The following SKAP2 variants were observed in gnomAD, a reference collection of about 807,000 sequenced individuals.
SKAP2 encodes the protein src kinase-associated phosphoprotein 2.
SKAP2 carries 28 observed loss-of-function variants against 54.9 expected under a neutral mutation model. The ratio of observed to expected loss-of-function variants is 0.51; its 90% CI spans 0.38 to 0.70. The LOEUF (loss-of-function observed/expected upper bound fraction) is 0.70. Ranked by LOEUF, SKAP2 falls within the 30% of genes least tolerant of loss-of-function variation. SKAP2 has a pLI of 0.00. For synonymous variants in SKAP2, 137 were observed against 134.3 expected, an observed-to-expected ratio of 1.02 and a Z score of -0.14; for missense variants, 356 against 424.1, an observed-to-expected ratio of 0.84 and a Z score of 1.41.
chr7:26,658,193 C>T, the SKAP2 span, among the ~76,000 whole-genome samples: 2 of 152,164 alleles, frequency 1.3e-5, no homozygotes, highest in East Asian at 1.9e-4. Flanking sequence ...TACCCTGCAG[C>T]GGGGTTTGCT....
chr7:26,664,050 A>G (rs1786064564), downstream of SKAP2, among the ~76,000 whole-genome samples: 1 of 152,178 alleles, frequency 6.6e-6, no homozygotes, highest in Non-Finnish European at 1.5e-5. Context: ...ATCAGTGGTC[A>G]ACAAGCATTT....
intron 4 of SKAP2, among the ~76,000 whole-genome samples, chr7:26,765,290 G>A (rs1036046977): frequency 9.9e-5 from 15 of 152,068 alleles, no homozygotes; most frequent in Non-Finnish European, 1.8e-4. Flanking sequence ...TTTGAGAAGT[G>A]TCTGTTCATA....
chr7:26,757,064 G>C (rs751075818), intron 4 of SKAP2, among the ~76,000 whole-genome samples: 12 of 152,140 alleles, frequency 7.9e-5, no homozygotes, highest in Non-Finnish European at 1.5e-4. Flanking sequence ...TGTAAATTCT[G>C]GATATTAGCC....
At chr7:26,786,026 C>T (rs1783537064) in intron 4 of SKAP2, among the ~76,000 whole-genome samples, 1 of 152,068 alleles carries the variant, frequency 6.6e-6, no homozygotes, top group African/African-American at 2.4e-5. Context: ...TGGGCACCTC[C>T]CCTTCACCCC....
chr7:26,742,426 T>TG (rs929624917), intron 4 of SKAP2: 2 of 151,768 alleles, frequency 1.3e-5, no homozygotes, highest in Non-Finnish European at 2.9e-5. Flanking sequence ...GGAGAGGAAG[T>TG]GGGGGAAAAG....
intron 4 of SKAP2, among the ~76,000 whole-genome samples, chr7:26,772,139 G>A (rs1783202056): frequency 6.6e-6 from 1 of 152,134 alleles, no homozygotes; most frequent in African/African-American, 2.4e-5. Flanking sequence ...CCCTCAGAAG[G>A]AAATAAAACT....
intron 11 of SKAP2, among the ~76,000 whole-genome samples, chr7:26,671,656 T>G (rs1385407401): frequency 1.3e-5 from 2 of 152,022 alleles, no homozygotes; most frequent in Admixed American, 1.3e-4. Flanking sequence ...AGGGCACAGC[T>G]CTGGCTTGTG....
At chr7:26,748,634 T>C (rs2127965448) in intron 4 of SKAP2, among the ~76,000 whole-genome samples, 1 of 152,214 alleles carries the variant, frequency 6.6e-6, no homozygotes, top group East Asian at 1.9e-4. Flanking sequence ...AATAGCCTTT[T>C]TAAAAAGTCT....
chr7:26,830,149 T>C (rs189194057), intron 4 of SKAP2, among the ~76,000 whole-genome samples: 2 of 152,304 alleles, frequency 1.3e-5, no homozygotes, highest in Non-Finnish European at 2.9e-5. Context: ...AGTTCTGATA[T>C]ATGATTCCAT....
At chr7:26,817,433 G>A (rs1424520674) in intron 4 of SKAP2, among the ~76,000 whole-genome samples, 1 of 151,864 alleles carries the variant, frequency 6.6e-6, no homozygotes, top group East Asian at 1.9e-4. Flanking sequence ...AAAAATTGGG[G>A]AACAATTGTC....
At chr7:26,657,162 CATT>C in the SKAP2 span, among the ~76,000 whole-genome samples, 3 of 152,188 alleles carry the variant, frequency 2.0e-5, no homozygotes, top group African/African-American at 7.2e-5. Context: ...TTTTCAAAGA[CATT>C]ATCTTTCTGC....
chr7:26,794,870 C>T (rs1170992036), intron 4 of SKAP2, among the ~76,000 whole-genome samples: 1 of 152,290 alleles, frequency 6.6e-6, no homozygotes, highest in South Asian at 2.1e-4. Context: ...AGGTGGATAT[C>T]TTGTCCAGCC....
intron 4 of SKAP2, among the ~76,000 whole-genome samples, chr7:26,823,735 G>A (rs1784431383): frequency 6.6e-6 from 1 of 152,198 alleles, no homozygotes; most frequent in African/African-American, 2.4e-5. Context: ...TTTGAGGGGT[G>A]CAGGACATCA....
At position 26,864,583 on chromosome 7, in the gene SKAP2, A is replaced by G. The variant is rs1785336664; in HGVS notation, c.-154T>C. 4.3e-6 allele frequency: 6 copies of G among 1,408,750 alleles called. No homozygotes were observed. Among genetic ancestry groups the G allele is most frequent in the Non-Finnish European group, 4.6e-6 (5 of 1,083,308 alleles). 87.3% of individuals were successfully genotyped at this position (1,408,750 alleles called of 1,614,324 possible). A position where few individuals can be genotyped will look rare whatever the true frequency, so the allele number is the denominator to read the frequency against. Reference sequence around the variant, plus strand: ...CACTGCCGGGCCGGGGCTCACAACAAGGAAGTCACTGAATCTCCAGCGAGC... The same window carrying G: ...CACTGCCGGGCCGGGGCTCACAACAGGGAAGTCACTGAATCTCCAGCGAGC... On this transcript the variant is annotated 5_prime_UTR_variant, in exon 1 of 13. Transcript: ENST00000345317.
chr7:26,802,540 G>C (rs1328176234), intron 4 of SKAP2, among the ~76,000 whole-genome samples: 1 of 152,104 alleles, frequency 6.6e-6, no homozygotes, highest in East Asian at 2.0e-4. Context: ...CAAAGTGTTG[G>C]GATTATAGGC....
intron 6 of SKAP2, among the ~76,000 whole-genome samples, chr7:26,738,287 C>A (rs912987762): frequency 6.6e-6 from 1 of 152,108 alleles, no homozygotes; most frequent in Non-Finnish European, 1.5e-5. Context: ...ACATAGCTAA[C>A]GTACTTAGAC....
At chr7:26,736,782 A>G (rs1787952783) in intron 6 of SKAP2, among the ~76,000 whole-genome samples, 1 of 152,124 alleles carries the variant, frequency 6.6e-6, no homozygotes, top group East Asian at 1.9e-4. Flanking sequence ...CAATGTTACT[A>G]CCATTAGGTC....
chr7:26,657,625 G>A, the SKAP2 span, among the ~76,000 whole-genome samples: 2 of 152,030 alleles, frequency 1.3e-5, no homozygotes, highest in African/African-American at 4.8e-5. Context: ...ATAAAGCAGA[G>A]GATTTATATC....
intron 4 of SKAP2, among the ~76,000 whole-genome samples, chr7:26,822,703 G>A (rs1562624345): frequency 6.7e-6 from 1 of 150,278 alleles, no homozygotes; most frequent in African/African-American, 2.5e-5. Flanking sequence ...GTGAAACCCC[G>A]TCTCTACTAA....
Sources: gnomAD v4.1 joint callset for allele counts (sites outside exome capture counted in the v4.1 genomes callset) on GRCh38, gnomAD v4.1.1 for gene constraint, MANE v1.5 for transcripts, NCBI Gene and HGNC (gene_info 2026-07-23, HGNC 2026-07-21) for gene names.